Variants in BAIAP3 observed in about 807,000 individuals in gnomAD.
BAIAP3 encodes the protein BAI1 associated protein 3, also known as BAI1-associated protein 3.
In BAIAP3, 180 loss-of-function variants were observed where a neutral mutation model predicts 149.7. The ratio of observed to expected loss-of-function variants is 1.20; its 90% CI spans 1.07 to 1.36. BAIAP3 has a LOEUF of 1.36. BAIAP3 is among the 40% of genes most tolerant of loss of function. The pLI is 0.00. For missense variants in BAIAP3, 1,767 were observed against 1,563.4 expected, an observed-to-expected ratio of 1.13 and a Z score of -2.20; for synonymous variants, 845 against 670.7, an observed-to-expected ratio of 1.26 and a Z score of -4.02.
In BAIAP3 at chr16:1,341,853, C is replaced by T. The variant is rs535561205; in HGVS notation, c.763C>T (p.His255Tyr). Reference protein sequence around the residue: ...EIEDVSTDQLHLDIWDHDDDV... With the variant: ...EIEDVSTDQLYLDIWDHDDDV... Reference sequence around the variant, plus strand: ...TGAGGATGTGAGCACGGACCAGCTGCACCTGGACATCTGGTACAGGCCCCT... The same window carrying T: ...TGAGGATGTGAGCACGGACCAGCTGTACCTGGACATCTGGTACAGGCCCCT... The change falls in exon 9 of 34, where the codon CAC becomes TAC. Residue 255 changes from histidine to tyrosine, a missense_variant. Physicochemically the swap from His to Tyr is moderately conservative, Grantham distance 83. Coordinates refer to ENST00000426824, the MANE Select transcript of BAIAP3 (RefSeq NM_001199097.2). 3.1e-6 allele frequency: 5 copies of T among 1,612,414 alleles called. No homozygotes were observed. The African/African-American group carries it at 6.7e-5, about 21-fold the overall frequency.
At chr16:1,341,908 C>A (rs558460393) in intron 9 of BAIAP3, 42 bp downstream of exon 9, 17 of 1,601,198 alleles carry the variant, frequency 1.1e-5, no homozygotes, top group South Asian at 1.1e-5. Context: ...GGATGCACAC[C>A]TTTTGCGGGG....
chr16:1,337,603 C>T (rs943754017), intron 1 of BAIAP3, among the ~76,000 whole-genome samples: 5 of 152,284 alleles, frequency 3.3e-5, no homozygotes, highest in Middle Eastern at 3.4e-3. Context: ...AGGGGGCTTC[C>T]GGGTCTGCCT....
chr16:1,347,017 C>T (rs188142990), intron 28 of BAIAP3, 62 bp downstream of exon 28: 7 of 1,452,016 alleles, frequency 4.8e-6, no homozygotes, highest in African/African-American at 1.4e-5. Flanking sequence ...CTGATCCCTC[C>T]CTTTGTCCCC....
Position 1,349,438 on chromosome 16 carries a change from C to CA in BAIAP3, c.*957dup, listed in dbSNP as rs765578688. 6.2e-7 allele frequency: 1 copy of CA among 1,613,574 alleles called. No individual in the cohort carries two copies. The highest frequency in any genetic ancestry group is 1.1e-5 in the South Asian group (1 of 91,042). ...CAAAAATATATGTGTCTGCAACCCT[C>CA]AGTCTCTCTGCCGTTTCTTGATTCC... On this transcript the variant is annotated 3_prime_UTR_variant, in exon 34 of 34. Coordinates refer to ENST00000426824, the MANE Select transcript of BAIAP3 (RefSeq NM_001199097.2).
intron 11 of BAIAP3, 38 bp from the exon 12 acceptor site, chr16:1,342,489 G>T (rs1370626026): frequency 9.2e-6 from 14 of 1,519,554 alleles, no homozygotes; most frequent in Middle Eastern, 3.4e-4. Flanking sequence ...AGGGGAGGGG[G>T]AGGAGTCTGG....
chr16:1,339,351 G>T (rs2033694674), intron 4 of BAIAP3, 107 bp downstream of exon 4: 3 of 1,503,834 alleles, frequency 2.0e-6, no homozygotes, highest in Admixed American at 4.0e-5. Context: ...CAGAGAGCCA[G>T]GGTGAGTGGG....
At chr16:1,348,045 CCCAGGCT>C in intron 32 of BAIAP3, 28 bp downstream of exon 32, 4 of 1,590,680 alleles carry the variant, frequency 2.5e-6, no homozygotes, top group Non-Finnish European at 3.4e-6. Flanking sequence ...CAGCCCCAGC[CCCAGGCT>C]CCAGGCTGCC....
chr16:1,347,873 C>T, intron 31 of BAIAP3, 21 bp from the exon 32 acceptor site: 2 of 1,609,964 alleles, frequency 1.2e-6, no homozygotes, highest in Non-Finnish European at 1.7e-6. Flanking sequence ...GGCAGGGGGG[C>T]TCACGACTGT....
rs2033661957 is a variant in BAIAP3, at chr16:1,338,965, C to A, written c.195C>A (p.Gly65=). Reference sequence around the variant, plus strand: ...GCCTCATGCTGAAGAAGGGGGAAGGCAGACAGGGCTTGCCGTGCCTCGAGG... The same window carrying A: ...GCCTCATGCTGAAGAAGGGGGAAGGAAGACAGGGCTTGCCGTGCCTCGAGG... The part of the protein sequence containing the change: ...HMRLMLKKGE[G]RQGLPCLEVP... Residue 65 remains glycine, a synonymous_variant, in exon 3 of 34, where the codon GGC becomes GGA. Transcript: ENST00000426824. 1.9e-6 allele frequency: 3 copies of A among 1,612,894 alleles called. No individual in the cohort carries two copies. Among genetic ancestry groups the A allele is most frequent in the African/African-American group, 1.3e-5 (1 of 74,918 alleles).
Position 1,344,274 on chromosome 16 carries a change from C to T in BAIAP3, c.1559C>T (p.Pro520Leu), listed in dbSNP as rs1466914246. 8 of 1,613,790 alleles carry T rather than the reference C, an allele frequency of 5.0e-6. No individual in the cohort carries two copies. Among genetic ancestry groups the T allele is most frequent in the Non-Finnish European group, 6.8e-6 (8 of 1,180,024 alleles). Reference sequence around the variant, plus strand: ...TTCCAACCCTCCTTTGAGATCTGCCCCTTCGAGTCGGAGCTGAACATGGAC... The same window carrying T: ...TTCCAACCCTCCTTTGAGATCTGCCTCTTCGAGTCGGAGCTGAACATGGAC... ...QLFQPSFEIC[P>L]FESELNMDIA... Residue 520 changes from proline (P) to leucine (L), a missense_variant, in exon 17 of 34, where the codon CCC becomes CTC. By Grantham distance (98) the Pro-to-Leu change is moderately conservative. Coordinates refer to ENST00000426824, the MANE Select transcript of BAIAP3 (RefSeq NM_001199097.2).
chr16:1,347,149 C>T, intron 28 of BAIAP3, 149 bp from the exon 29 acceptor site: 1 of 940,418 alleles, frequency 1.1e-6, no homozygotes, highest in Non-Finnish European at 1.6e-6. Flanking sequence ...TTCCTGGGAG[C>T]TTCCGATGCC....
chr16:1,338,449 T>TTCCC, intron 1 of BAIAP3, 91 bp from the exon 2 acceptor site: 1 of 285,974 alleles, frequency 3.5e-6, no homozygotes. Context: ...CCCCACCTCT[T>TTCCC]CCCGCCCCAC....
chr16:1,338,602 G>GC lies in BAIAP3; in HGVS notation c.56dup (p.Ser20ValfsTer7). On this transcript the variant is annotated frameshift_variant, in exon 2 of 34. Coordinates refer to ENST00000426824, the MANE Select transcript of BAIAP3 (RefSeq NM_001199097.2). LOFTEE classifies it high-confidence loss of function. Reference sequence around the variant, plus strand: ...AGCGTGCTCAGGCAGGTGCAGGTGTGCCCGTCCTTCCGCCGCAGGACTGAG... The same window carrying GC: ...AGCGTGCTCAGGCAGGTGCAGGTGTGCCCCGTCCTTCCGCCGCAGGACTGAG... 1 of 1,608,110 alleles carries GC rather than the reference G, an allele frequency of 6.2e-7. No individual in the cohort carries two copies. The highest frequency in any genetic ancestry group is 1.3e-5 in the African/African-American group (1 of 74,946).
chr16:1,349,407 C>G lies in BAIAP3; in HGVS notation c.*925C>G, dbSNP rs767414658. 68 of 1,612,976 alleles carry G rather than the reference C, an allele frequency of 4.2e-5. 1 individual carries two copies. In the South Asian group the frequency reaches 7.4e-4, roughly 17 times the overall value. On this transcript the variant is annotated 3_prime_UTR_variant, in exon 34 of 34. Coordinates refer to ENST00000426824, the MANE Select transcript of BAIAP3 (RefSeq NM_001199097.2). ...CATGTCTCTAGATTTTCTCGTCACC[C>G]AGCCTCAAAAATATATGTGTCTGCA...
At chr16:1,339,117 G>C in intron 3 of BAIAP3, 47 bp from the exon 4 acceptor site, 1 of 1,576,348 alleles carries the variant, frequency 6.3e-7, no homozygotes. Flanking sequence ...CTGCAGGCCT[G>C]GGGCTCTCCC....
chr16:1,348,813 G>A lies in BAIAP3; in HGVS notation c.*331G>A, dbSNP rs554604339. On this transcript the variant is annotated 3_prime_UTR_variant, in exon 34 of 34. Transcript: ENST00000426824. ...TTGGGCTCCCCGGCCCTGGGTGGGC[G>A]GTGGGCAGCTGGTCTCCAGGGACTC... The A allele has an allele frequency of 1.7e-4, 82 of 472,574 alleles. 1 individual carries two copies. Among genetic ancestry groups the A allele is most frequent in the South Asian group, 2.3e-4 (9 of 38,868 alleles). The allele number at this position is 472,574 out of a possible 1,614,324, so 29.3% of individuals were successfully genotyped here.
rs200262964 is a variant in BAIAP3, at chr16:1,334,740, G to A, written c.-11+991G>A. 189 of 1,552,530 alleles carry A rather than the reference G, an allele frequency of 1.2e-4. 1 individual carries two copies. The highest frequency in any genetic ancestry group is 8.0e-4 in the Admixed American group (41 of 51,360). ...GGGCACCGCCATCGGCTTCGCAGGGGCCATCTGGAGGAGTCGGTGAGACCA... is the reference window on the plus strand; with the variant it reads ...GGGCACCGCCATCGGCTTCGCAGGGACCATCTGGAGGAGTCGGTGAGACCA... On this transcript the variant is annotated intron_variant, in intron 1 of 33. Coordinates refer to ENST00000426824, the MANE Select transcript of BAIAP3 (RefSeq NM_001199097.2).
Position 1,340,864 on chromosome 16 carries a change from G to A in BAIAP3, c.409-58G>A. 4 of 1,530,298 alleles carry A rather than the reference G, an allele frequency of 2.6e-6. No homozygotes were observed. The Admixed American group carries it at 7.8e-5, about 30-fold the overall frequency. 94.8% of individuals were successfully genotyped at this position (1,530,298 alleles called of 1,614,324 possible). A position where few individuals can be genotyped will look rare whatever the true frequency, so the allele number is the denominator to read the frequency against. On this transcript the variant is annotated intron_variant, in intron 5 of 33. Coordinates refer to ENST00000426824, the MANE Select transcript of BAIAP3 (RefSeq NM_001199097.2). ...GGGCTGAGCCCGAGGTCCCAGCACA[G>A]TGGCCAGCCTCGCTTCAGGGGTTGC...
At chr16:1,338,257 C>A in intron 1 of BAIAP3, among the ~76,000 whole-genome samples, 1 of 152,142 alleles carries the variant, frequency 6.6e-6, no homozygotes, top group Non-Finnish European at 1.5e-5. Flanking sequence ...CCCTGATGGA[C>A]CCCCAGCTCT....
Sources: allele counts gnomAD v4.1 joint callset (sites outside exome capture counted in the v4.1 genomes callset), GRCh38; gene constraint gnomAD v4.1.1; transcripts MANE v1.5; gene names NCBI Gene and HGNC (gene_info 2026-07-23, HGNC 2026-07-21).